Variants in N4BP1 observed in about 807,000 individuals in gnomAD.
The protein encoded by N4BP1 is NEDD4 binding protein 1.
N4BP1 carries 21 observed loss-of-function variants against 70.9 expected under a neutral mutation model. That is an observed-to-expected ratio of 0.30 (90% confidence interval 0.21 to 0.43). The LOEUF (loss-of-function observed/expected upper bound fraction) is 0.43. Ranked by LOEUF, N4BP1 falls within the 20% of genes least tolerant of loss-of-function variation. N4BP1 has a pLI of 1.00. For missense variants in N4BP1, 936 were observed against 1,069.4 expected (o/e 0.88, Z 1.74); for synonymous variants, 387 against 394.6 (o/e 0.98, Z 0.23).
chr16:48,605,580 C>T (rs1020854578), intron 1 of N4BP1, among the ~76,000 whole-genome samples: 1 of 152,202 alleles, frequency 6.6e-6, no homozygotes, highest in African/African-American at 2.4e-5. Flanking sequence ...ATGGACAATG[C>T]CCTCTTATAA....
chr16:48,583,017 T>G (rs919670066), intron 1 of N4BP1, among the ~76,000 whole-genome samples: 3 of 152,112 alleles, frequency 2.0e-5, no homozygotes, highest in African/African-American at 7.2e-5. Context: ...GCCCAGTAAT[T>G]TGAGGCTGCA....
chr16:48,605,050 A>C (rs1002394497), intron 1 of N4BP1, among the ~76,000 whole-genome samples: 7 of 149,950 alleles, frequency 4.7e-5, no homozygotes, highest in Non-Finnish European at 1.0e-4. Flanking sequence ...TTTTTTTCTC[A>C]AGACAGAGTT....
chr16:48,600,309 A>G, intron 1 of N4BP1: 1 of 1,113,254 alleles, frequency 9.0e-7, no homozygotes, highest in Non-Finnish European at 1.3e-6. Context: ...TTGCAAAGTT[A>G]GGTGGACCAA....
chr16:48,599,770 G>A (rs1964469650), intron 1 of N4BP1, among the ~76,000 whole-genome samples: 1 of 152,180 alleles, frequency 6.6e-6, no homozygotes, highest in Admixed American at 6.5e-5. Flanking sequence ...GCCAATTAGA[G>A]GTAAGCAGAA....
intron 1 of N4BP1, among the ~76,000 whole-genome samples, chr16:48,590,883 T>C (rs1290371981): frequency 2.0e-5 from 3 of 151,794 alleles, no homozygotes; most frequent in African/African-American, 4.8e-5. Flanking sequence ...CCTTAATTAG[T>C]AGGAAGAGTC....
intron 1 of N4BP1, among the ~76,000 whole-genome samples, chr16:48,564,697 C>T (rs572814769): frequency 1.3e-5 from 2 of 152,274 alleles, no homozygotes; most frequent in South Asian, 2.1e-4. Flanking sequence ...TGCAAAATAT[C>T]TTGCTGGAAT....
Position 48,561,521 on chromosome 16 carries a change from A to AGAT in N4BP1, c.1119_1121dup (p.Ser374dup). On this transcript the variant is annotated inframe_insertion, in exon 2 of 7. Coordinates refer to ENST00000262384, the MANE Select transcript of N4BP1 (RefSeq NM_153029.4). Reference sequence around the variant, plus strand: ...CCTCTAAGAGCAATAATGGTTCAGTAGATGGTCCATACACCTTAATGACCT... The same window carrying AGAT: ...CCTCTAAGAGCAATAATGGTTCAGTAGATGATGGTCCATACACCTTAATGACCT... The AGAT allele has an allele frequency of 1.2e-6, 2 of 1,613,704 alleles. No individual in the cohort carries two copies. The highest frequency in any genetic ancestry group is 1.7e-6 in the Non-Finnish European group (2 of 1,179,806).
At chr16:48,555,470 C>T (rs1364829171) in intron 2 of N4BP1, among the ~76,000 whole-genome samples, 1 of 152,206 alleles carries the variant, frequency 6.6e-6, no homozygotes, top group Non-Finnish European at 1.5e-5. Context: ...CGCACAGACT[C>T]CTCTTTTTAA....
chr16:48,597,483 A>C (rs1431651195), intron 1 of N4BP1, among the ~76,000 whole-genome samples: 1 of 152,200 alleles, frequency 6.6e-6, no homozygotes, highest in African/African-American at 2.4e-5. Context: ...CCTGTAGATA[A>C]AATTTCTGAC....
At chr16:48,588,800 T>G (rs1045859264) in intron 1 of N4BP1, among the ~76,000 whole-genome samples, 3 of 152,160 alleles carry the variant, frequency 2.0e-5, no homozygotes, top group African/African-American at 7.2e-5. Flanking sequence ...ACCATACTGG[T>G]TTGTGCAAAT....
At chr16:48,547,023 A>T (rs1179296003) in intron 5 of N4BP1, among the ~76,000 whole-genome samples, 1 of 152,238 alleles carries the variant, frequency 6.6e-6, no homozygotes, top group African/African-American at 2.4e-5. Flanking sequence ...AGCTATCAAC[A>T]ACAGCTTTTT....
In N4BP1 at chr16:48,566,197, ACTTTT is replaced by A. The variant is rs1478765594; in HGVS notation, c.199-3758_199-3754del. Among the ~76,000 whole-genome samples the A allele has an allele frequency of 3.3e-5, 5 of 151,792 alleles. No homozygotes were observed. The East Asian group carries it at 7.8e-4, about 24-fold the overall frequency. On this transcript the variant is annotated intron_variant, in intron 1 of 6. Transcript: ENST00000262384. ...GTTCCTTGAACCTTAAATTATCAAG[ACTTTT>A]CTTTTCTTTCTTTTATTATTATTAT...
chr16:48,562,741 G>C (rs1963880083), intron 1 of N4BP1, among the ~76,000 whole-genome samples: 2 of 152,172 alleles, frequency 1.3e-5, no homozygotes, highest in Admixed American at 1.3e-4. Context: ...TAATCCCAAG[G>C]CTGGATTTAT....
chr16:48,566,944 T>C (rs1445859404), intron 1 of N4BP1, among the ~76,000 whole-genome samples: 1 of 152,250 alleles, frequency 6.6e-6, no homozygotes, highest in African/African-American at 2.4e-5. Flanking sequence ...ATTGACCCTC[T>C]TGCCATTATG....
chr16:48,591,311 T>C (rs1272202536), intron 1 of N4BP1, among the ~76,000 whole-genome samples: 2 of 143,140 alleles, frequency 1.4e-5, no homozygotes, highest in Non-Finnish European at 3.1e-5. Flanking sequence ...CCCACCCCAA[T>C]GGCTAGCTTC....
chr16:48,602,609 G>C (rs929663831), intron 1 of N4BP1, among the ~76,000 whole-genome samples: 2 of 152,146 alleles, frequency 1.3e-5, no homozygotes, highest in East Asian at 3.9e-4. Context: ...ACCATAGTGA[G>C]TAAAAAATAT....
intron 1 of N4BP1, among the ~76,000 whole-genome samples, chr16:48,565,516 T>C (rs1191842212): frequency 6.6e-6 from 1 of 152,254 alleles, no homozygotes; most frequent in East Asian, 1.9e-4. Context: ...TGGTGTATAA[T>C]TCTTTCACAT....
chr16:48,599,388 T>A (rs966985312), intron 1 of N4BP1, among the ~76,000 whole-genome samples: 5 of 152,202 alleles, frequency 3.3e-5, no homozygotes, highest in Admixed American at 6.5e-5. Context: ...AGAGGAAAAC[T>A]CCCACACATC....
In N4BP1 at chr16:48,595,498, G is replaced by A. The variant is rs544716989; in HGVS notation, c.198+14277C>T. 2.1e-5 allele frequency among the ~76,000 whole-genome samples: 3 copies of A among 140,186 alleles called. No individual in the cohort carries two copies. The East Asian group carries it at 6.1e-4, about 28-fold the overall frequency. 92.0% of individuals were successfully genotyped at this position (140,186 alleles called of 152,430 possible). A position where few individuals can be genotyped will look rare whatever the true frequency, so the allele number is the denominator to read the frequency against. ...AAAAAAAGAAAGAAAACTTTCTTTT[G>A]CACTATTTACAGCTTTTAACAACTC... On this transcript the variant is annotated intron_variant, in intron 1 of 6. Coordinates refer to ENST00000262384, the MANE Select transcript of N4BP1 (RefSeq NM_153029.4).
Sources: allele counts gnomAD v4.1 joint callset (sites outside exome capture counted in the v4.1 genomes callset), GRCh38; gene constraint gnomAD v4.1.1; transcripts MANE v1.5; gene names NCBI Gene and HGNC (gene_info 2026-07-23, HGNC 2026-07-21).